The following EBF2 variants were observed in gnomAD, a reference collection of about 807,000 sequenced individuals.
The protein encoded by EBF2 is EBF transcription factor 2.
In EBF2, 21 loss-of-function variants were observed where a neutral mutation model predicts 72.8. The ratio of observed to expected loss-of-function variants is 0.29; its 90% CI spans 0.20 to 0.42. The LOEUF (loss-of-function observed/expected upper bound fraction) is 0.42, where lower values mean the gene tolerates loss of function less well. EBF2 is among the 10% of genes least tolerant of loss of function. The pLI is 1.00. For synonymous variants in EBF2, 299 were observed against 274.2 expected, an observed-to-expected ratio of 1.09 and a Z score of -0.89; for missense variants, 637 against 731.2, an observed-to-expected ratio of 0.87 and a Z score of 1.49.
At chr8:25,865,733 G>A (rs776305885) in intron 10 of EBF2, among the ~76,000 whole-genome samples, 1 of 147,872 alleles carries the variant, frequency 6.8e-6, no homozygotes, top group South Asian at 2.4e-4. Context: ...GCCTATAAAA[G>A]ATCTTAACCA....
Position 25,844,621 on chromosome 8 carries a change from T to G in EBF2, c.1716A>C (p.Val572=). ...NGFRAMTGLV[V]PPM Reference sequence around the variant, plus strand: ...AAGCAGTTCTTCTTTACATCGGGGGTACAACAAGTCCGGTCATGGCTGCAA... The same window carrying G: ...AAGCAGTTCTTCTTTACATCGGGGGGACAACAAGTCCGGTCATGGCTGCAA... Residue 572 remains valine, a synonymous_variant, in exon 16 of 16, where the codon GTA becomes GTC. Transcript: ENST00000520164. 1 of 1,613,974 alleles carries G rather than the reference T, an allele frequency of 6.2e-7. No homozygotes were observed. Among genetic ancestry groups the G allele is most frequent in the Non-Finnish European group, 8.5e-7 (1 of 1,179,908 alleles).
intron 7 of EBF2, among the ~76,000 whole-genome samples, chr8:25,891,526 G>A (rs561823163): frequency 4.0e-5 from 6 of 151,634 alleles, no homozygotes; most frequent in Non-Finnish European, 8.8e-5. Flanking sequence ...TATTCTACTT[G>A]TAATTGTCCT....
At chr8:25,982,974 A>T (rs1412918458) in intron 6 of EBF2, among the ~76,000 whole-genome samples, 1 of 151,936 alleles carries the variant, frequency 6.6e-6, no homozygotes, top group Non-Finnish European at 1.5e-5. Flanking sequence ...TAAAATAGGT[A>T]CAATAATCTC....
chr8:25,982,955 A>T (rs933851199), intron 6 of EBF2, among the ~76,000 whole-genome samples: 8 of 151,714 alleles, frequency 5.3e-5, no homozygotes, highest in African/African-American at 1.9e-4. Context: ...TAAGGCTTAT[A>T]TTTGTCAGTA....
At chr8:25,921,058 A>G (rs1472214607) in intron 6 of EBF2, among the ~76,000 whole-genome samples, 5 of 137,832 alleles carry the variant, frequency 3.6e-5, no homozygotes, top group Non-Finnish European at 8.1e-5. Flanking sequence ...CATTTACAGT[A>G]CATATAACCT....
chr8:26,006,748 T>A (rs1187138090), intron 6 of EBF2, among the ~76,000 whole-genome samples: 1 of 152,160 alleles, frequency 6.6e-6, no homozygotes, highest in Non-Finnish European at 1.5e-5. Flanking sequence ...ATCCCTCCTT[T>A]TTAAGAGACT....
chr8:25,885,905 AGTTT>A, intron 10 of EBF2, among the ~76,000 whole-genome samples: 1 of 152,166 alleles, frequency 6.6e-6, no homozygotes, highest in East Asian at 1.9e-4. Flanking sequence ...GGTAAGTTCT[AGTTT>A]AAATACAAAA....
chr8:26,005,032 C>T (rs1431783387), intron 6 of EBF2, among the ~76,000 whole-genome samples: 1 of 150,052 alleles, frequency 6.7e-6, no homozygotes, highest in East Asian at 2.0e-4. Context: ...GAAAGAAGAT[C>T]ATTGAGGTAC....
chr8:25,965,372 T>C (rs542409836), intron 6 of EBF2, among the ~76,000 whole-genome samples: 2 of 152,338 alleles, frequency 1.3e-5, no homozygotes, highest in South Asian at 4.1e-4. Context: ...GCTTTGCTTA[T>C]ATGCAGATTT....
chr8:25,950,426 T>A (rs1803842116), intron 6 of EBF2, among the ~76,000 whole-genome samples: 1 of 152,194 alleles, frequency 6.6e-6, no homozygotes, highest in South Asian at 2.1e-4. Flanking sequence ...AAAGAACGCA[T>A]CTGCAATGCA....
chr8:25,975,970 T>G (rs932281579), intron 6 of EBF2, among the ~76,000 whole-genome samples: 1 of 152,176 alleles, frequency 6.6e-6, no homozygotes, highest in African/African-American at 2.4e-5. Flanking sequence ...TGCTGCAATC[T>G]TAATCTTTAT....
intron 7 of EBF2, among the ~76,000 whole-genome samples, chr8:25,904,459 GT>G (rs1479723389): frequency 6.6e-5 from 10 of 151,912 alleles, no homozygotes; most frequent in Admixed American, 6.6e-4. Flanking sequence ...AGGGGGGAGA[GT>G]TTTATAGAGT....
intron 6 of EBF2, among the ~76,000 whole-genome samples, chr8:26,017,968 G>A (rs189696417): frequency 6.6e-6 from 1 of 152,240 alleles, no homozygotes; most frequent in East Asian, 1.9e-4. Flanking sequence ...AGGCTCTGGG[G>A]TATGGGGTGA....
intron 6 of EBF2, among the ~76,000 whole-genome samples, chr8:26,011,174 G>A (rs116904792): frequency 0.011 from 1,626 of 152,258 alleles, 19 homozygotes; most frequent in South Asian, 0.026. Context: ...AGTAACTTGG[G>A]GTTGTTCCCA....
At chr8:25,934,911 C>T (rs946023338) in intron 6 of EBF2, among the ~76,000 whole-genome samples, 3 of 152,194 alleles carry the variant, frequency 2.0e-5, no homozygotes, top group African/African-American at 7.2e-5. Context: ...CTAGTACCAC[C>T]AGGCTTTGCT....
intron 6 of EBF2, among the ~76,000 whole-genome samples, chr8:26,008,205 G>T (rs548823092): frequency 6.6e-6 from 1 of 152,078 alleles, no homozygotes; most frequent in Non-Finnish European, 1.5e-5. Flanking sequence ...CCTCTCCTCG[G>T]CTATAAGTAC....
chr8:25,930,667 C>T (rs542580164), intron 6 of EBF2, among the ~76,000 whole-genome samples: 10 of 152,340 alleles, frequency 6.6e-5, no homozygotes, highest in Non-Finnish European at 1.3e-4. Flanking sequence ...TATAAATGTA[C>T]TTGCAAACAA....
intron 6 of EBF2, among the ~76,000 whole-genome samples, chr8:25,997,596 A>C (rs1804655997): frequency 6.6e-6 from 1 of 151,984 alleles, no homozygotes. Flanking sequence ...AAAGTAATCA[A>C]ACAGACCCAT....
intron 6 of EBF2, among the ~76,000 whole-genome samples, chr8:25,998,729 T>C (rs772151467): frequency 6.6e-6 from 1 of 152,228 alleles, no homozygotes; most frequent in African/African-American, 2.4e-5. Flanking sequence ...TTTAATTTGT[T>C]ATTGGCTGTG....
Sources: allele counts gnomAD v4.1 joint callset (sites outside exome capture counted in the v4.1 genomes callset), GRCh38; gene constraint gnomAD v4.1.1; transcripts MANE v1.5; gene names NCBI Gene and HGNC (gene_info 2026-07-23, HGNC 2026-07-21).